Variants in NEBL observed in about 807,000 individuals in gnomAD.
NEBL encodes nebulette.
A neutral mutation model predicts 140.2 loss-of-function variants in NEBL; 122 were observed. That is an observed-to-expected ratio of 0.87 (90% CI 0.75 to 1.01). The LOEUF (loss-of-function observed/expected upper bound fraction) is 1.01. Among genes scored for constraint, NEBL ranks in the 50% least tolerant of loss-of-function variants. The pLI is 0.00. For synonymous variants in NEBL, 436 were observed against 398.9 expected (o/e 1.09, Z -1.11); for missense variants, 1,365 against 1,231.3 (o/e 1.11, Z -1.62).
intron 3 of NEBL, among the ~76,000 whole-genome samples, chr10:21,239,663 C>A (rs1842410849): frequency 6.6e-6 from 1 of 152,144 alleles, no homozygotes; most frequent in Non-Finnish European, 1.5e-5. Flanking sequence ...CTTGGGACTG[C>A]CAGTGCAAAT....
intron 2 of NEBL, among the ~76,000 whole-genome samples, chr10:21,109,337 T>C (rs1044071599): frequency 4.6e-5 from 7 of 152,134 alleles, no homozygotes; most frequent in African/African-American, 9.7e-5. Flanking sequence ...CCTTGCATCC[T>C]GGGGATGAAG....
chr10:20,894,725 T>A (rs538274027), intron 2 of NEBL, among the ~76,000 whole-genome samples: 1 of 129,948 alleles, frequency 7.7e-6, no homozygotes, highest in African/African-American at 2.9e-5. Flanking sequence ...CCATCCTAAC[T>A]AACACGGTGA....
At position 21,173,992 on chromosome 10, in the gene NEBL, G is replaced by T. The variant is rs568718562; in HGVS notation, c.-159C>A. ...GGCGCCGGGCCACGGGTGAGTGCAC[G>T]GGGAGGGCGACGGGGCCTGGCGCCT... On this transcript the variant is annotated 5_prime_UTR_variant, in exon 1 of 7. Coordinates refer to the NEBL transcript ENST00000417816. This position sits in a 1 kb window ranked among gnomAD's most constrained non-coding sequence, Gnocchi z 5.7. The T allele has an allele frequency of 5.6e-5, 69 of 1,226,408 alleles. No homozygotes were observed. In the African/African-American group the frequency reaches 8.6e-4, roughly 15 times the overall value. 76.0% of individuals were successfully genotyped at this position (1,226,408 alleles called of 1,614,324 possible). A position where few individuals can be genotyped will look rare whatever the true frequency, so the allele number is the denominator to read the frequency against.
chr10:21,242,179 T>A (rs1842448483), intron 3 of NEBL, among the ~76,000 whole-genome samples: 1 of 151,902 alleles, frequency 6.6e-6, no homozygotes, highest in African/African-American at 2.4e-5. Context: ...TGCTCCAGCC[T>A]GGGTGACAGA....
intron 2 of NEBL, among the ~76,000 whole-genome samples, chr10:21,126,701 C>T (rs148362515): frequency 2.0e-5 from 3 of 152,068 alleles, no homozygotes; most frequent in African/African-American, 2.4e-5. Context: ...GGGCCAGGTG[C>T]GGTGGCTCAT....
chr10:21,236,040 C>T (rs901484306), intron 3 of NEBL, among the ~76,000 whole-genome samples: 1 of 152,190 alleles, frequency 6.6e-6, no homozygotes. Context: ...ACATTCATAA[C>T]CCCCGTAGTC....
chr10:20,830,912 T>TAAAAA lies in NEBL; in HGVS notation c.1671+279_1671+283dup, dbSNP rs371760760. 0.011 allele frequency among the ~76,000 whole-genome samples: 999 copies of TAAAAA among 92,250 alleles called. 8 individuals are homozygous for TAAAAA. Among genetic ancestry groups the TAAAAA allele is most frequent in the Non-Finnish European group, 0.017 (804 of 48,204 alleles). 60.5% of individuals were successfully genotyped at this position (92,250 alleles called of 152,430 possible). A position where few individuals can be genotyped will look rare whatever the true frequency, so the allele number is the denominator to read the frequency against. On this transcript the variant is annotated intron_variant, in intron 16 of 27. Coordinates refer to ENST00000377122, the MANE Select transcript of NEBL (RefSeq NM_006393.3). ...GAGTGAGACCTCCATCTCTAAAATT[T>TAAAAA]AAAAAAAAAAAAAAAAAAAAAAAGG... is the stretch of plus-strand genomic sequence containing the variant.
At chr10:20,797,074 T>C (rs756787977) in intron 26 of NEBL, among the ~76,000 whole-genome samples, 5 of 152,194 alleles carry the variant, frequency 3.3e-5, no homozygotes, top group Non-Finnish European at 5.9e-5. Flanking sequence ...AGATGCTATT[T>C]CCACTCATGT....
rs549948779 is a variant in NEBL at position 21,131,162 on chromosome 10, A to C, written c.164+41221T>G. ...AAGATGAAATAGACTGCTTCTTTGC[A>C]AGACACAATCTGCCAAAACTCACAC... On this transcript the variant is annotated intron_variant, in intron 2 of 6. Coordinates refer to the NEBL transcript ENST00000417816. Among the ~76,000 whole-genome samples, 7 of 152,298 alleles carry C rather than the reference A, an allele frequency of 4.6e-5. No individual in the cohort carries two copies. The East Asian group carries it at 1.4e-3, about 29-fold the overall frequency.
chr10:21,106,794 G>C (rs1028629480), intron 2 of NEBL, among the ~76,000 whole-genome samples: 2 of 152,110 alleles, frequency 1.3e-5, no homozygotes, highest in Non-Finnish European at 2.9e-5. Context: ...CCATTTTCAG[G>C]ATATTGATTC....
chr10:20,849,185 T>A (rs1842252570), intron 11 of NEBL, among the ~76,000 whole-genome samples: 1 of 152,070 alleles, frequency 6.6e-6, no homozygotes, highest in Non-Finnish European at 1.5e-5. Context: ...CTTGTGTGTC[T>A]GATCCTGAAA....
chr10:21,268,214 A>G (rs2132286684), intron 1 of NEBL, among the ~76,000 whole-genome samples: 1 of 152,336 alleles, frequency 6.6e-6, no homozygotes, highest in South Asian at 2.1e-4. Context: ...TATGCCTGTA[A>G]TCCCAGCACT....
chr10:21,191,035 T>C (rs182251262), intron 3 of NEBL, among the ~76,000 whole-genome samples: 1 of 152,310 alleles, frequency 6.6e-6, no homozygotes, highest in East Asian at 1.9e-4. Flanking sequence ...TAATTAATAA[T>C]GCCTGAAGTA....
intron 3 of NEBL, among the ~76,000 whole-genome samples, chr10:20,999,832 G>A (rs568980479): frequency 2.4e-3 from 372 of 152,140 alleles, no homozygotes; most frequent in Non-Finnish European, 3.4e-3. Context: ...CTCCTTTAAT[G>A]TCTTTCTTCT....
chr10:21,042,546 T>C (rs1834321147), intron 2 of NEBL, among the ~76,000 whole-genome samples: 2 of 152,270 alleles, frequency 1.3e-5, no homozygotes, highest in African/African-American at 4.8e-5. Flanking sequence ...TCTCTGCTCT[T>C]AGTCACATCT....
At chr10:20,872,180 C>G (rs539149747) in intron 5 of NEBL, among the ~76,000 whole-genome samples, 1 of 152,002 alleles carries the variant, frequency 6.6e-6, no homozygotes. Context: ...GAGAGGTGAA[C>G]GGCACAAAGG....
chr10:20,937,948 G>C (rs1834594817), intron 4 of NEBL, among the ~76,000 whole-genome samples: 1 of 152,208 alleles, frequency 6.6e-6, no homozygotes, highest in African/African-American at 2.4e-5. Flanking sequence ...CAGGAAGCTT[G>C]AACTGGGTGG....
At chr10:20,910,811 T>C in intron 4 of NEBL, among the ~76,000 whole-genome samples, 1 of 136,608 alleles carries the variant, frequency 7.3e-6, no homozygotes. Flanking sequence ...TTTTTTTGTT[T>C]GGTGTTTTTC....
chr10:21,237,663 G>GT (rs1186229800), intron 3 of NEBL, among the ~76,000 whole-genome samples: 5 of 151,846 alleles, frequency 3.3e-5, no homozygotes, highest in African/African-American at 1.2e-4. Context: ...CTGGAGGGCA[G>GT]TAGCACCATG....
Sources: gnomAD v4.1 joint callset for allele counts (sites outside exome capture counted in the v4.1 genomes callset) on GRCh38, gnomAD v4.1.1 for gene constraint, Gnocchi (gnomAD v3.1) non-coding constraint, MANE v1.5 for transcripts, NCBI Gene and HGNC (gene_info 2026-07-23, HGNC 2026-07-21) for gene names.